The following ZNF214 variants were observed in gnomAD, a reference collection of about 807,000 sequenced individuals.
ZNF214 encodes the protein BWSCR2-associated zinc finger protein 1.
ZNF214 carries 43 observed loss-of-function variants against 53.9 expected under a neutral mutation model. That is an observed-to-expected ratio of 0.80 (90% CI 0.63 to 1.03). ZNF214 has a LOEUF of 1.03. Among genes scored for constraint, ZNF214 ranks in the 50% least tolerant of loss-of-function variants. The pLI is 0.00. For missense variants in ZNF214, 724 were observed against 719.1 expected (o/e 1.01, Z -0.08); for synonymous variants, 217 against 229.5 (o/e 0.95, Z 0.49).
At chr11:7,017,430 A>T (rs1851795143) in intron 1 of ZNF214, among the ~76,000 whole-genome samples, 1 of 152,232 alleles carries the variant, frequency 6.6e-6, no homozygotes, top group South Asian at 2.1e-4. Flanking sequence ...ATTTATTATA[A>T]GATATTTATA....
chr11:7,013,034 A>G (rs1369808950), intron 1 of ZNF214, among the ~76,000 whole-genome samples: 1 of 152,172 alleles, frequency 6.6e-6, no homozygotes, highest in Non-Finnish European at 1.5e-5. Flanking sequence ...GCTAACTCCC[A>G]TGGCTGGCAG....
At chr11:7,009,036 C>T (rs1177466655) in intron 1 of ZNF214, among the ~76,000 whole-genome samples, 1 of 151,944 alleles carries the variant, frequency 6.6e-6, no homozygotes, top group Non-Finnish European at 1.5e-5. Flanking sequence ...ATACTTCCAT[C>T]AAACTACCAA....
chr11:7,012,883 TTTC>T (rs1288302038), intron 1 of ZNF214, among the ~76,000 whole-genome samples: 2 of 152,220 alleles, frequency 1.3e-5, no homozygotes, highest in South Asian at 2.1e-4. Context: ...TTATTTACTA[TTTC>T]TTATTTTTTT....
chr11:7,005,136 GATAA>G (rs1163465985), intron 1 of ZNF214, among the ~76,000 whole-genome samples: 2 of 151,514 alleles, frequency 1.3e-5, no homozygotes, highest in African/African-American at 4.8e-5. Context: ...ATGTCTATAT[GATAA>G]ATATAAATAA....
intron 1 of ZNF214, among the ~76,000 whole-genome samples, chr11:7,013,845 A>T (rs1287428446): frequency 6.6e-6 from 1 of 152,232 alleles, no homozygotes; most frequent in Non-Finnish European, 1.5e-5. Context: ...AAGAAAAGGA[A>T]GGTTCAAATT....
chr11:7,004,327 G>A (rs1467798187), intron 1 of ZNF214, among the ~76,000 whole-genome samples: 2 of 152,052 alleles, frequency 1.3e-5, no homozygotes, highest in East Asian at 3.9e-4. Context: ...ATACTTCACT[G>A]ATTTTTTTCC....
intron 1 of ZNF214, among the ~76,000 whole-genome samples, chr11:7,012,726 T>G (rs1331866274): frequency 6.6e-6 from 1 of 152,208 alleles, no homozygotes; most frequent in African/African-American, 2.4e-5. Context: ...CATCAAAAAC[T>G]GTTCAAGGCA....
intron 1 of ZNF214, chr11:7,015,844 TA>T (rs1004150203): frequency 6.6e-6 from 1 of 152,086 alleles, no homozygotes; most frequent in Non-Finnish European, 1.5e-5. Context: ...AAAACTTTAA[TA>T]AGGACTCTGC....
intron 1 of ZNF214, among the ~76,000 whole-genome samples, chr11:7,017,025 ATTT>A (rs1851786101): frequency 6.6e-6 from 1 of 152,216 alleles, no homozygotes; most frequent in Non-Finnish European, 1.5e-5. Flanking sequence ...ATGACAAATG[ATTT>A]ATATGTTTTC....
intron 1 of ZNF214, among the ~76,000 whole-genome samples, chr11:7,005,403 A>G (rs992998008): frequency 2.0e-5 from 3 of 152,114 alleles, no homozygotes; most frequent in Non-Finnish European, 4.4e-5. Context: ...TGACAAGCCT[A>G]TTGATAGAGA....
chr11:7,010,714 T>C (rs903581002), intron 1 of ZNF214, among the ~76,000 whole-genome samples: 1 of 149,920 alleles, frequency 6.7e-6, no homozygotes, highest in African/African-American at 2.5e-5. Flanking sequence ...AAATAAATGA[T>C]TGAGAAAATG....
intron 1 of ZNF214, among the ~76,000 whole-genome samples, chr11:7,015,378 G>C (rs180958170): frequency 1.8e-4 from 27 of 152,222 alleles, no homozygotes; most frequent in Non-Finnish European, 3.2e-4. Context: ...AGGAGTTCGA[G>C]ACTAGCCTGG....
chr11:7,004,119 A>C (rs1851421802), intron 1 of ZNF214, among the ~76,000 whole-genome samples: 1 of 151,924 alleles, frequency 6.6e-6, no homozygotes, highest in African/African-American at 2.4e-5. Flanking sequence ...AAAAAATTTA[A>C]GGATTTATTT....
At chr11:7,014,015 T>C (rs934386517) in intron 1 of ZNF214, among the ~76,000 whole-genome samples, 1 of 152,104 alleles carries the variant, frequency 6.6e-6, no homozygotes, top group Non-Finnish European at 1.5e-5. Flanking sequence ...GCAGAAGACA[T>C]ACAAACATAT....
At chr11:7,013,633 G>C (rs997060994) in intron 1 of ZNF214, among the ~76,000 whole-genome samples, 8 of 152,162 alleles carry the variant, frequency 5.3e-5, no homozygotes, top group Admixed American at 3.9e-4. Context: ...CCGTACAATA[G>C]CGATGGCCCC....
intron 1 of ZNF214, among the ~76,000 whole-genome samples, chr11:7,010,165 A>G (rs1851571577): frequency 6.6e-6 from 1 of 152,148 alleles, no homozygotes; most frequent in Non-Finnish European, 1.5e-5. Context: ...CATGGAATCA[A>G]CCTAAATGCC....
In ZNF214 at chr11:7,002,743, G is replaced by C; in HGVS notation, c.93C>G (p.Val31=). 1 of 1,606,812 alleles carries C rather than the reference G, an allele frequency of 6.2e-7. No individual in the cohort carries two copies. Among genetic ancestry groups the C allele is most frequent in the Non-Finnish European group, 8.5e-7 (1 of 1,176,764 alleles). ...DSSQKRLYRE[V]MWENYTNVMS... ...TGACATTTGTGTAGTTCTCCCACAT[G>C]ACCTCCCTGTAGAGTCTTTTTTGAG... Residue 31 remains valine, a synonymous_variant, in exon 2 of 3, where the codon GTC becomes GTG. Coordinates refer to ENST00000278314, the MANE Select transcript of ZNF214 (RefSeq NM_013249.4).
intron 1 of ZNF214, among the ~76,000 whole-genome samples, chr11:7,006,877 T>C (rs1032695172): frequency 5.3e-5 from 8 of 152,034 alleles, no homozygotes; most frequent in African/African-American, 1.9e-4. Flanking sequence ...TTACCTATTT[T>C]TCTAATAAGT....
intron 1 of ZNF214, among the ~76,000 whole-genome samples, chr11:7,010,637 TAAA>T (rs34849852): frequency 1.6e-4 from 20 of 128,334 alleles, no homozygotes; most frequent in Admixed American, 3.1e-4. Flanking sequence ...CATCCCCCAT[TAAA>T]AAAAAAAAAA....
Sources: gnomAD v4.1 joint callset for allele counts (sites outside exome capture counted in the v4.1 genomes callset) on GRCh38, gnomAD v4.1.1 for gene constraint, MANE v1.5 for transcripts, NCBI Gene and HGNC (gene_info 2026-07-23, HGNC 2026-07-21) for gene names.